Variants in PPM1H observed in about 807,000 individuals in gnomAD.
PPM1H encodes the protein protein phosphatase, Mg2+/Mn2+ dependent 1H.
A neutral mutation model predicts 54.9 loss-of-function variants in PPM1H; 27 were observed. The observed-to-expected ratio is 0.49, with a 90% CI of 0.36 to 0.68. The LOEUF (loss-of-function observed/expected upper bound fraction) is 0.68. Ranked by LOEUF, PPM1H falls within the 30% of genes least tolerant of loss-of-function variation. The pLI is 0.00. For synonymous variants in PPM1H, 305 were observed against 270.8 expected (o/e 1.13, Z -1.24); for missense variants, 596 against 667.8 (o/e 0.89, Z 1.19).
chr12:62,677,650 C>G (rs957263006), intron 8 of PPM1H, among the ~76,000 whole-genome samples: 3 of 152,206 alleles, frequency 2.0e-5, no homozygotes, highest in Non-Finnish European at 4.4e-5. Context: ...GCCTGGCTCA[C>G]TCTTGGCAGG....
In PPM1H at chr12:62,648,615, G is replaced by A; in HGVS notation, c.1419C>T (p.Asp473=). The A allele has an allele frequency of 6.2e-7, 1 of 1,613,918 alleles. No homozygotes were observed. Residue 473 remains aspartate, a synonymous_variant, in exon 10 of 10, where the codon GAC becomes GAT. Transcript: ENST00000228705. ...DPHRYTLAAQ[D]LVMRARGVLK... Reference sequence around the variant, plus strand: ...GCACACCCCGGGCACGCATCACCAGGTCCTGAGCTGCCAGTGTGTACCTAC... The same window carrying A: ...GCACACCCCGGGCACGCATCACCAGATCCTGAGCTGCCAGTGTGTACCTAC...
rs569168442 is a variant in PPM1H, at chr12:62,657,476, T to G, written c.1398-8840A>C. ...GTTAGAGGCTGCCACAGCCAGGACC[T>G]CAGGCTGATTTCTGAATTCCCACAG... On this transcript the variant is annotated intron_variant, in intron 9 of 9. Transcript: ENST00000228705. Among the ~76,000 whole-genome samples the G allele has an allele frequency of 8.3e-4, 127 of 152,284 alleles. 1 individual carries two copies. Among genetic ancestry groups the G allele is most frequent in the African/African-American group, 2.9e-3 (119 of 41,566 alleles).
chr12:62,877,543 ACTCT>A (rs774778596), intron 1 of PPM1H, among the ~76,000 whole-genome samples: 2 of 151,836 alleles, frequency 1.3e-5, no homozygotes, highest in Non-Finnish European at 2.9e-5. Context: ...CACTCGATGT[ACTCT>A]CTCTCTCTAT....
At chr12:62,881,225 T>C (rs571507086) in intron 1 of PPM1H, among the ~76,000 whole-genome samples, 1 of 152,180 alleles carries the variant, frequency 6.6e-6, no homozygotes, top group South Asian at 2.1e-4. Context: ...AGTTGGTAGA[T>C]GGAAGGGAGA....
chr12:62,860,889 T>C (rs1869574987), intron 1 of PPM1H, among the ~76,000 whole-genome samples: 1 of 152,102 alleles, frequency 6.6e-6, no homozygotes, highest in Non-Finnish European at 1.5e-5. Context: ...TGTGGGAAAA[T>C]GAAACTGCAC....
In PPM1H at chr12:62,861,200, CCT is replaced by C. The variant is rs143553006; in HGVS notation, c.246-28923_246-28922del. Among the ~76,000 whole-genome samples the C allele has an allele frequency of 1.3e-3, 202 of 152,344 alleles. 1 individual carries two copies. The highest frequency in any genetic ancestry group is 4.5e-3 in the African/African-American group (187 of 41,578). On this transcript the variant is annotated intron_variant, in intron 1 of 9. Transcript: ENST00000228705. ...AATAAGCTATGGGCCTCATTTCTCTCCTCTGAATCGGAGCTACCATAACCACC... is the reference window on the plus strand; with the variant it reads ...AATAAGCTATGGGCCTCATTTCTCTCCTGAATCGGAGCTACCATAACCACC...
intron 2 of PPM1H, among the ~76,000 whole-genome samples, chr12:62,823,110 T>C (rs1450060240): frequency 1.3e-5 from 2 of 152,196 alleles, no homozygotes; most frequent in East Asian, 1.9e-4. Flanking sequence ...GAGAATACTA[T>C]AAACACCTCT....
chr12:62,932,603 C>T (rs944266072), intron 1 of PPM1H, among the ~76,000 whole-genome samples: 1 of 130,026 alleles, frequency 7.7e-6, no homozygotes, highest in Non-Finnish European at 1.6e-5. Flanking sequence ...CTCCAAGTTG[C>T]TGTCTCGTAA....
intron 8 of PPM1H, among the ~76,000 whole-genome samples, chr12:62,668,306 C>T (rs2075932122): frequency 6.6e-6 from 1 of 152,176 alleles, no homozygotes; most frequent in Admixed American, 6.5e-5. Flanking sequence ...CCTATTATAC[C>T]ATCTCATGAA....
At chr12:62,801,368 A>T (rs888545868) in intron 3 of PPM1H, among the ~76,000 whole-genome samples, 1 of 151,464 alleles carries the variant, frequency 6.6e-6, no homozygotes. Flanking sequence ...CTCAGGCTGG[A>T]GCACAGTGGC....
At chr12:62,891,146 A>G (rs1357047920) in intron 1 of PPM1H, among the ~76,000 whole-genome samples, 1 of 150,948 alleles carries the variant, frequency 6.6e-6, no homozygotes, top group Non-Finnish European at 1.5e-5. Context: ...TTTGAATTCT[A>G]GAGCATATTT....
intron 1 of PPM1H, among the ~76,000 whole-genome samples, chr12:62,918,789 A>C (rs1362178522): frequency 1.3e-5 from 2 of 152,260 alleles, no homozygotes; most frequent in African/African-American, 4.8e-5. Flanking sequence ...ATATTTGTTT[A>C]CATGGGAAGA....
At chr12:62,875,267 C>T (rs1443956659) in intron 1 of PPM1H, among the ~76,000 whole-genome samples, 21 of 152,150 alleles carry the variant, frequency 1.4e-4, no homozygotes, top group Admixed American at 1.2e-3. Flanking sequence ...AGAGTGTTCA[C>T]GAAGCTTAGA....
At chr12:62,776,986 G>T (rs2076614948) in intron 4 of PPM1H, among the ~76,000 whole-genome samples, 1 of 152,180 alleles carries the variant, frequency 6.6e-6, no homozygotes, top group Non-Finnish European at 1.5e-5. Context: ...TCTGTTGATG[G>T]TGGCTCAATG....
At chr12:62,732,465 T>G (rs1013670813) in intron 5 of PPM1H, among the ~76,000 whole-genome samples, 3 of 152,326 alleles carry the variant, frequency 2.0e-5, no homozygotes, top group South Asian at 4.1e-4. Context: ...GACCACCTTC[T>G]TCACTAGCAA....
rs566086483 is a variant in PPM1H at position 62,901,222 on chromosome 12, G to A, written c.245+33270C>T. ...TTCACTGATACCATATGTTCCCAGT[G>A]GGCAACAGCCAATCACTTTTTCAAA... is the stretch of plus-strand genomic sequence containing the variant. On this transcript the variant is annotated intron_variant, in intron 1 of 9. Transcript: ENST00000228705. Among the ~76,000 whole-genome samples the A allele has an allele frequency of 1.0e-3, 157 of 152,320 alleles. 1 individual carries two copies. The highest frequency in any genetic ancestry group is 3.7e-3 in the African/African-American group (153 of 41,574).
At chr12:62,916,925 C>CT (rs35781867) in intron 1 of PPM1H, among the ~76,000 whole-genome samples, 91,143 of 143,756 alleles carry the variant, frequency 0.63, 29,014 homozygotes, top group Non-Finnish European at 0.67. Context: ...TTACCCTCTA[C>CT]TTAAAAAAAA....
chr12:62,776,870 T>C (rs905476005), intron 4 of PPM1H, among the ~76,000 whole-genome samples: 52 of 152,322 alleles, frequency 3.4e-4, no homozygotes, highest in African/African-American at 1.2e-3. Context: ...TTCAGTTAAC[T>C]CCTTGAAGCA....
At chr12:62,833,740 TTTTC>T (rs1338711930) in intron 1 of PPM1H, among the ~76,000 whole-genome samples, 1 of 152,180 alleles carries the variant, frequency 6.6e-6, no homozygotes, top group Non-Finnish European at 1.5e-5. Context: ...AATTTTAACA[TTTTC>T]TTTATTTTAA....
Sources: allele counts gnomAD v4.1 joint callset (sites outside exome capture counted in the v4.1 genomes callset), GRCh38; gene constraint gnomAD v4.1.1; transcripts MANE v1.5; gene names NCBI Gene and HGNC (gene_info 2026-07-23, HGNC 2026-07-21).